POM121: variants seen among roughly 807,000 people sequenced by gnomAD.
POM121 encodes the protein nuclear envelope pore membrane protein POM 121.
Under a neutral mutation model 81.3 loss-of-function variants are expected in POM121, and 32 were observed. The observed-to-expected ratio is 0.39, with a 90% CI of 0.30 to 0.53. POM121 has a LOEUF of 0.53. Among genes scored for constraint, POM121 ranks in the 20% least tolerant of loss-of-function variants. POM121 has a pLI of 0.66. For synonymous variants in POM121, 514 were observed against 694.2 expected, an observed-to-expected ratio of 0.74 and a Z score of 4.08; for missense variants, 1,138 against 1,614.6, an observed-to-expected ratio of 0.70 and a Z score of 5.06.
intron 11 of POM121, among the ~76,000 whole-genome samples, chr7:72,943,763 C>T (rs535400525): frequency 2.0e-5 from 3 of 152,128 alleles, no homozygotes; most frequent in Admixed American, 6.5e-5. Context: ...GAAGGTTGGG[C>T]GCAGTGGCTC....
intron 2 of POM121, 105 bp from the exon 3 acceptor site, chr7:72,926,697 T>C: frequency 6.6e-7 from 1 of 1,513,198 alleles, no homozygotes; most frequent in Non-Finnish European, 8.9e-7. Context: ...GTATAAATTA[T>C]ACTTTGGCCT....
chr7:72,887,939 T>A (rs1489196938), intron 1 of POM121, among the ~76,000 whole-genome samples: 1 of 152,262 alleles, frequency 6.6e-6, no homozygotes, highest in Non-Finnish European at 1.5e-5. Context: ...GTGTGCTGTT[T>A]CAGGTTGGAG....
At chr7:72,887,347 C>G (rs1790824731) in intron 1 of POM121, among the ~76,000 whole-genome samples, 1 of 151,882 alleles carries the variant, frequency 6.6e-6, no homozygotes, top group African/African-American at 2.4e-5. Flanking sequence ...TTCTTTTCTT[C>G]CTTATGGGTT....
chr7:72,946,560 C>T lies in POM121; in HGVS notation c.*326C>T. 9.3e-7 allele frequency: 1 copy of T among 1,071,356 alleles called. No homozygotes were observed. The highest frequency in any genetic ancestry group is 4.0e-5 in the South Asian group (1 of 25,236). The allele number at this position is 1,071,356 out of a possible 1,614,324, so 66.4% of individuals were successfully genotyped here. A position where few individuals can be genotyped will look rare whatever the true frequency, so the allele number is the denominator to read the frequency against. ...CGCTTAGCACACCCTTAGGCAGGCG[C>T]CCCTTCCACCTTTCCCCGAGACCGT... is the stretch of plus-strand genomic sequence containing the variant. On this transcript the variant is annotated 3_prime_UTR_variant, in exon 13 of 13. Transcript: ENST00000434423.
At chr7:72,945,089 C>G (rs1311026564) in intron 11 of POM121, among the ~76,000 whole-genome samples, 453 of 150,060 alleles carry the variant, frequency 3.0e-3, no homozygotes, top group African/African-American at 0.011. Context: ...AGCAGCCATC[C>G]CTGCAGAGGG....
intron 3 of POM121, among the ~76,000 whole-genome samples, chr7:72,912,283 C>T (rs1554494374): frequency 6.6e-6 from 1 of 152,162 alleles, no homozygotes; most frequent in Non-Finnish European, 1.5e-5. Flanking sequence ...AAAAGATAGG[C>T]GAGATACAGC....
intron 4 of POM121, among the ~76,000 whole-genome samples, chr7:72,918,401 A>G (rs1327313530): frequency 3.3e-5 from 5 of 152,178 alleles, no homozygotes; most frequent in Admixed American, 1.3e-4. Flanking sequence ...GTGTCTGGGC[A>G]TAACAGAAGG....
At chr7:72,935,276 G>A (rs1471932458) in intron 5 of POM121, among the ~76,000 whole-genome samples, 4 of 151,920 alleles carry the variant, frequency 2.6e-5, no homozygotes, top group African/African-American at 9.7e-5. Flanking sequence ...AGGCTCAAGC[G>A]ATTCTCCTGC....
At position 72,918,143 on chromosome 7, in the gene POM121, A is replaced by C. The variant is rs142927929; in HGVS notation, c.-152+4315A>C. ...AGTGTGACCACTGAAGTACAGCATC[A>C]CGGAGACAATTAGGCCTCCAGATAA... On this transcript the variant is annotated intron_variant, in intron 4 of 15. Coordinates refer to the POM121 transcript ENST00000395270. Among the ~76,000 whole-genome samples, 20 of 152,342 alleles carry C rather than the reference A, an allele frequency of 1.3e-4. No homozygotes were observed. In the East Asian group the frequency reaches 3.9e-3, roughly 29 times the overall value.
chr7:72,910,029 T>C (rs1793650966), intron 3 of POM121, among the ~76,000 whole-genome samples: 2 of 152,232 alleles, frequency 1.3e-5, no homozygotes, highest in African/African-American at 2.4e-5. Flanking sequence ...CTGGTTGTTT[T>C]CACACATGGG....
chr7:72,948,876 G>C (rs1283123744), downstream of POM121: 4 of 1,606,754 alleles, frequency 2.5e-6, no homozygotes, highest in African/African-American at 5.4e-5. Flanking sequence ...CCACGACCCT[G>C]GCGCACGCCC....
chr7:72,943,143 C>T lies in POM121; in HGVS notation c.3150C>T (p.Pro1050=), dbSNP rs376844050. 62 of 1,613,198 alleles carry T rather than the reference C, an allele frequency of 3.8e-5. No individual in the cohort carries two copies. Among genetic ancestry groups the T allele is most frequent in the African/African-American group, 9.3e-5 (7 of 74,934 alleles). ...CCACGGCTTCGGCCTTCGGCGCTCC[C>T]GCCAGCTCACAGCCCGCCTTTGGCG... ...LKATASAFGA[P]ASSQPAFGGS... is the part of the protein sequence containing the mutation. The change falls in exon 11 of 13, where the codon CCC becomes CCT. Residue 1050 remains proline (P), a synonymous_variant. Coordinates refer to ENST00000434423, the MANE Select transcript of POM121 (RefSeq NM_001387691.1).
At chr7:72,917,763 GA>G (rs1794421940) in intron 4 of POM121, among the ~76,000 whole-genome samples, 1 of 152,190 alleles carries the variant, frequency 6.6e-6, no homozygotes, top group South Asian at 2.1e-4. Context: ...AAGACAAAGA[GA>G]TAAAAGAAAA....
chr7:72,925,485 C>T lies in POM121; in HGVS notation c.364C>T (p.Pro122Ser), dbSNP rs1795312473. 6.5e-7 allele frequency: 1 copy of T among 1,533,772 alleles called. No individual in the cohort carries two copies. Among genetic ancestry groups the T allele is most frequent in the African/African-American group, 1.4e-5 (1 of 73,072 alleles). ...KSTANGNLLE[P>S]RTLLEGPDPA... is the part of the protein sequence containing the mutation. ...GACAGCCAACGGAAACCTCCTAGAG[C>T]CGCGGACCCTGCTCGAAGGACCTGA... Residue 122 changes from proline to serine, a missense_variant, in exon 1 of 13, where the codon CCG (proline) becomes TCG (serine). Pro to Ser is a moderately conservative substitution (Grantham distance 74, BLOSUM62 -1). Coordinates refer to ENST00000434423, the MANE Select transcript of POM121 (RefSeq NM_001387691.1).
At chr7:72,924,988 T>G, upstream of POM121, 2 of 1,309,086 alleles carry the variant, frequency 1.5e-6, no homozygotes, top group Non-Finnish European at 1.9e-6. Context: ...TCCAAACCAG[T>G]TGGGTCTCGG....
intron 11 of POM121, among the ~76,000 whole-genome samples, chr7:72,944,564 C>T (rs1477776687): frequency 2.0e-5 from 3 of 152,146 alleles, no homozygotes; most frequent in African/African-American, 4.8e-5. Context: ...TGTTTCCCAG[C>T]GACACTGTGG....
At chr7:72,938,126 A>G (rs1796692168) in intron 5 of POM121, among the ~76,000 whole-genome samples, 1 of 151,920 alleles carries the variant, frequency 6.6e-6, no homozygotes, top group South Asian at 2.1e-4. Context: ...TTCGCATTCC[A>G]TTACTTTTAT....
At chr7:72,894,669 G>GAGAGAA (rs1791737214) in intron 3 of POM121, among the ~76,000 whole-genome samples, 2 of 149,582 alleles carry the variant, frequency 1.3e-5, no homozygotes, top group Non-Finnish European at 3.0e-5. Flanking sequence ...GAGAGAGAGA[G>GAGAGAA]AGAGAGAGAG....
intron 5 of POM121, 64 bp from the exon 6 acceptor site, chr7:72,938,526 T>G: frequency 6.6e-7 from 1 of 1,510,888 alleles, no homozygotes; most frequent in South Asian, 1.1e-5. Flanking sequence ...AAAGAGACTT[T>G]GTCGTGTTGA....
Sources: gnomAD v4.1 joint callset for allele counts (sites outside exome capture counted in the v4.1 genomes callset) on GRCh38, gnomAD v4.1.1 for gene constraint, MANE v1.5 for transcripts, NCBI Gene and HGNC (gene_info 2026-07-23, HGNC 2026-07-21) for gene names.